Variants in SOSTDC1 observed in about 807,000 individuals in gnomAD.
The protein encoded by SOSTDC1 is sclerostin domain-containing protein 1.
In SOSTDC1, 7 loss-of-function variants were observed where a neutral mutation model predicts 15.1. That is an observed-to-expected ratio of 0.46 (90% CI 0.26 to 0.87). The LOEUF is 0.87. Ranked by LOEUF, SOSTDC1 falls within the 40% of genes least tolerant of loss-of-function variation. The probability of loss-of-function intolerance (pLI) is 0.15; values close to 1 mark genes in which losing one functional copy is unlikely to be tolerated. For synonymous variants in SOSTDC1, 94 were observed against 93.2 expected (o/e 1.01, Z -0.05); for missense variants, 242 against 259.2 (o/e 0.93, Z 0.46).
rs971913835 is a variant in SOSTDC1 at position 16,463,035 on chromosome 7, A to G, written c.206-72T>C. On this transcript the variant is annotated intron_variant, in intron 1 of 1. Transcript: ENST00000307068. ...AAGACCTTTTAAAAAGTGATCTGCA[A>G]TGACAAAAATAATAGGCAAATGATA... 2.0e-5 allele frequency: 28 copies of G among 1,427,424 alleles called. No individual in the cohort carries two copies. The Admixed American group carries it at 3.0e-4, about 15-fold the overall frequency. The allele number at this position is 1,427,424 out of a possible 1,614,324, so 88.4% of individuals were successfully genotyped here. A position where few individuals can be genotyped will look rare whatever the true frequency, so the allele number is the denominator to read the frequency against.
chr7:16,464,600 T>G (rs913154481), intron 1 of SOSTDC1, among the ~76,000 whole-genome samples: 1 of 152,150 alleles, frequency 6.6e-6, no homozygotes, highest in Admixed American at 6.5e-5. Flanking sequence ...CGTAGTTGAA[T>G]GGAGTGAAGA....
rs1448155742 is a variant in SOSTDC1 at position 16,462,187 on chromosome 7, G to A, written c.*361C>T. ...TGTTTTGAAGGAGTTTTGTTTAGGA[G>A]AGGGGATGGGCCAGTAGATGGAGGG... On this transcript the variant is annotated 3_prime_UTR_variant, in exon 2 of 2. Coordinates refer to ENST00000307068, the MANE Select transcript of SOSTDC1 (RefSeq NM_015464.3). 1.1e-5 allele frequency: 2 copies of A among 177,136 alleles called. No homozygotes were observed. The highest frequency in any genetic ancestry group is 2.4e-5 in the African/African-American group (1 of 42,272). The allele number at this position is 177,136 out of a possible 1,614,324, so 11.0% of individuals were successfully genotyped here. A position where few individuals can be genotyped will look rare whatever the true frequency, so the allele number is the denominator to read the frequency against.
chr7:16,462,647 C>G lies in SOSTDC1; in HGVS notation c.522G>C (p.Glu174Asp). The change falls in exon 2 of 2, where the codon GAG becomes GAC. Residue 174 changes from glutamate to aspartate, a missense_variant. Coordinates refer to ENST00000307068, the MANE Select transcript of SOSTDC1 (RefSeq NM_015464.3). ...KCKRYTRQHNESSHNFESMSP... is the reference protein window; with the variant it reads ...KCKRYTRQHNDSSHNFESMSP... ...ACATGCTCTCAAAGTTGTGACTGGA[C>G]TCGTTGTGCTGCCGGGTGTACCTCT... The G allele has an allele frequency of 6.2e-7, 1 of 1,614,146 alleles. No homozygotes were observed. The highest frequency in any genetic ancestry group is 8.5e-7 in the Non-Finnish European group (1 of 1,180,026).
intron 1 of SOSTDC1, chr7:16,464,400 A>G (rs926904563): frequency 3.9e-6 from 6 of 1,547,492 alleles, no homozygotes; most frequent in Non-Finnish European, 5.2e-6. Flanking sequence ...GTGTATATAC[A>G]GATTTGGCAT....
rs1250735770 is a variant in SOSTDC1, at chr7:16,462,621, G to A, written c.548C>T (p.Ser183Leu). The A allele has an allele frequency of 1.2e-6, 2 of 1,614,052 alleles. No homozygotes were observed. Among genetic ancestry groups the A allele is most frequent in the African/African-American group, 2.7e-5 (2 of 74,938 alleles). Residue 183 changes from serine to leucine, a missense_variant, in exon 2 of 2, where the codon TCA (serine) becomes TTA (leucine). By Grantham distance (145) the Ser-to-Leu change is moderately radical. Transcript: ENST00000307068. ...GTGATGCTGGACTGGCTTGGCAGGTGACATGCTCTCAAAGTTGTGACTGGA... is the reference window on the plus strand; with the variant it reads ...GTGATGCTGGACTGGCTTGGCAGGTAACATGCTCTCAAAGTTGTGACTGGA... ...NESSHNFESM[S>L]PAKPVQHHRE...
At position 16,462,899 on chromosome 7, in the gene SOSTDC1, G is replaced by A. The variant is rs771904504; in HGVS notation, c.270C>T (p.Thr90=). Reference sequence around the variant, plus strand: ...CCAGCTCCTTCAGAGGGCTGATGCTGGTGCACTGGCCATCAGAGATGTATT... The same window carrying A: ...CCAGCTCCTTCAGAGGGCTGATGCTAGTGCACTGGCCATCAGAGATGTATT... ...STKYISDGQC[T]SISPLKELVC... Residue 90 remains threonine, a synonymous_variant, in exon 2 of 2, where the codon ACC becomes ACT. Transcript: ENST00000307068. The A allele has an allele frequency of 9.9e-6, 16 of 1,612,986 alleles. No homozygotes were observed. In the South Asian group the frequency reaches 1.6e-4, roughly 17 times the overall value.
chr7:16,462,754 G>A lies in SOSTDC1; in HGVS notation c.415C>T (p.Arg139Cys), dbSNP rs370368434. The A allele has an allele frequency of 2.3e-5, 37 of 1,613,988 alleles. No homozygotes were observed. Among genetic ancestry groups the A allele is most frequent in the Middle Eastern group, 1.6e-4 (1 of 6,084 alleles). Residue 139 changes from arginine (R) to cysteine (C), a missense_variant, in exon 2 of 2, where the codon CGT becomes TGT. Arg to Cys is a radical substitution (Grantham distance 180). Transcript: ENST00000307068. ...QEWRCVNDKT[R>C]TQRIQLQCQD... The stretch of plus-strand genomic sequence containing the variant: ...CACTGCAGCTGGATTCTCTGGGTAC[G>A]GGTTTTGTCATTGACACACCGCCAC...
chr7:16,461,492 C>T lies in SOSTDC1; in HGVS notation c.*1056G>A, dbSNP rs530286490. On this transcript the variant is annotated 3_prime_UTR_variant, in exon 2 of 2. Transcript: ENST00000307068. ...AAAAAAAATAGCAATTACCCTTATA[C>T]ATTTATTCTACAATTTTTGCACCCT... 2.6e-5 allele frequency: 4 copies of T among 152,162 alleles called. No homozygotes were observed. Among genetic ancestry groups the T allele is most frequent in the Non-Finnish European group, 5.9e-5 (4 of 68,024 alleles). The allele number at this position is 152,162 out of a possible 1,614,324, so 9.4% of individuals were successfully genotyped here.
rs1367183731 is a variant in SOSTDC1, at chr7:16,464,253, G to A, written c.205+1211C>T. ...AAATCTAGAATTGTGGGATTAAAAT[G>A]TAAAGCGTAAATTGTTTGGTTGGAC... is the stretch of plus-strand genomic sequence containing the variant. On this transcript the variant is annotated intron_variant, in intron 1 of 1. Coordinates refer to ENST00000307068, the MANE Select transcript of SOSTDC1 (RefSeq NM_015464.3). The A allele has an allele frequency of 3.3e-6, 4 of 1,199,624 alleles. No individual in the cohort carries two copies. In the African/African-American group the frequency reaches 6.0e-5, roughly 18 times the overall value. 74.3% of individuals were successfully genotyped at this position (1,199,624 alleles called of 1,614,324 possible). A position where few individuals can be genotyped will look rare whatever the true frequency, so the allele number is the denominator to read the frequency against.
rs1214363318 is a variant in SOSTDC1 at position 16,462,079 on chromosome 7, A to C, written c.*469T>G. Reference sequence around the variant, plus strand: ...CAAAGGAAGATCACTCATGGCTGCTAAACTGTTCCCATGAAGAGTACCAAA... The same window carrying C: ...CAAAGGAAGATCACTCATGGCTGCTCAACTGTTCCCATGAAGAGTACCAAA... On this transcript the variant is annotated 3_prime_UTR_variant, in exon 2 of 2. Coordinates refer to ENST00000307068, the MANE Select transcript of SOSTDC1 (RefSeq NM_015464.3). The C allele has an allele frequency of 1.3e-5, 2 of 159,098 alleles. No homozygotes were observed. The highest frequency in any genetic ancestry group is 3.6e-4 in the East Asian group (2 of 5,560). 9.9% of individuals were successfully genotyped at this position (159,098 alleles called of 1,614,324 possible).
rs1781294097 is a variant in SOSTDC1 at position 16,465,721 on chromosome 7, C to T, written c.-53G>A. ...GAGCTGGTTAATTCTTTTGCTTCTGCTTCTGCACTGTAACTGTGAAATTCC... is the reference window on the plus strand; with the variant it reads ...GAGCTGGTTAATTCTTTTGCTTCTGTTTCTGCACTGTAACTGTGAAATTCC... On this transcript the variant is annotated 5_prime_UTR_variant, in exon 1 of 2. Coordinates refer to ENST00000307068, the MANE Select transcript of SOSTDC1 (RefSeq NM_015464.3). 6.7e-7 allele frequency: 1 copy of T among 1,489,046 alleles called. No individual in the cohort carries two copies. Among genetic ancestry groups the T allele is most frequent in the Non-Finnish European group, 9.3e-7 (1 of 1,072,456 alleles). The allele number at this position is 1,489,046 out of a possible 1,614,324, so 92.2% of individuals were successfully genotyped here.
Position 16,461,484 on chromosome 7 carries a change from C to G in SOSTDC1, c.*1064G>C, listed in dbSNP as rs1781210284. ...GACTTAGAAAAAAAAATAGCAATTA[C>G]CCTTATACATTTATTCTACAATTTT... is the stretch of plus-strand genomic sequence containing the variant. On this transcript the variant is annotated 3_prime_UTR_variant, in exon 2 of 2. Coordinates refer to ENST00000307068, the MANE Select transcript of SOSTDC1 (RefSeq NM_015464.3). The G allele has an allele frequency of 6.6e-6, 1 of 152,152 alleles. No homozygotes were observed. Among genetic ancestry groups the G allele is most frequent in the Admixed American group, 6.5e-5 (1 of 15,270 alleles). The allele number at this position is 152,152 out of a possible 1,614,324, so 9.4% of individuals were successfully genotyped here. A position where few individuals can be genotyped will look rare whatever the true frequency, so the allele number is the denominator to read the frequency against.
rs200731488 is a variant in SOSTDC1 at position 16,462,783 on chromosome 7, T to A, written c.386A>T (p.Gln129Leu). 92 of 1,614,198 alleles carry A rather than the reference T, an allele frequency of 5.7e-5. No individual in the cohort carries two copies. The East Asian group carries it at 2.0e-3, about 35-fold the overall frequency. Residue 129 changes from glutamine to leucine, a missense_variant, in exon 2 of 2, where the codon CAG becomes CTG. By Grantham distance (113) the Gln-to-Leu change is moderately radical. Transcript: ENST00000307068. ...GTKYWSRRSS[Q>L]EWRCVNDKTR... ...TTTGTCATTGACACACCGCCACTCC[T>A]GGGAGCTCCTCCTGCTCCAGTACTT...
At chr7:16,464,855 T>G (rs984585290) in intron 1 of SOSTDC1, among the ~76,000 whole-genome samples, 1 of 152,172 alleles carries the variant, frequency 6.6e-6, no homozygotes, top group Non-Finnish European at 1.5e-5. Context: ...TATCTAAATT[T>G]TGAATGGGAC....
rs751003943 is a variant in SOSTDC1, at chr7:16,462,680, G to C, written c.489C>G (p.Cys163Trp). ...GCTGCCGGGTGTACCTCTTGCACTT[G>C]CAGGCAGTGACTACTGTGATTTTGT... ...RTYKITVVTA[C>W]KCKRYTRQHN... Residue 163 changes from cysteine (C) to tryptophan (W), a missense_variant, in exon 2 of 2, where the codon TGC becomes TGG. Transcript: ENST00000307068. 6.2e-7 allele frequency: 1 copy of C among 1,614,216 alleles called. No homozygotes were observed. The highest frequency in any genetic ancestry group is 8.5e-7 in the Non-Finnish European group (1 of 1,180,046).
rs750480433 is a variant in SOSTDC1 at position 16,462,942 on chromosome 7, C to T, written c.227G>A (p.Arg76Gln). ...GATGTATTTGGTGGAACGCAGTTCC[C>T]GGCAACCCACTTGAACCCGAGCTGC... Reference protein sequence around the residue: ...DRNTRVQVGCRELRSTKYISD... With the variant: ...DRNTRVQVGCQELRSTKYISD... The change falls in exon 2 of 2, where the codon CGG (arginine) becomes CAG (glutamine). Residue 76 changes from arginine to glutamine, a missense_variant. Transcript: ENST00000307068. 2.6e-5 allele frequency: 41 copies of T among 1,572,264 alleles called. No homozygotes were observed. Among genetic ancestry groups the T allele is most frequent in the East Asian group, 4.5e-5 (2 of 44,052 alleles).
In SOSTDC1 at chr7:16,461,653, A is replaced by C. The variant is rs890444749; in HGVS notation, c.*895T>G. 3 of 152,596 alleles carry C rather than the reference A, an allele frequency of 2.0e-5. No individual in the cohort carries two copies. Among genetic ancestry groups the C allele is most frequent in the African/African-American group, 7.2e-5 (3 of 41,454 alleles). 9.5% of individuals were successfully genotyped at this position (152,596 alleles called of 1,614,324 possible). On this transcript the variant is annotated 3_prime_UTR_variant, in exon 2 of 2. Transcript: ENST00000307068. ...AAAGTATTACTTATTTCAACTTTAC[A>C]AAGCATCTTATTGATTTAAAAAGAT...
intron 1 of SOSTDC1, among the ~76,000 whole-genome samples, chr7:16,464,857 G>C (rs762484053): frequency 6.6e-5 from 10 of 152,102 alleles, no homozygotes; most frequent in Non-Finnish European, 1.5e-4. Context: ...TCTAAATTTT[G>C]AATGGGACAA....
intron 1 of SOSTDC1, 136 bp downstream of exon 1, chr7:16,465,328 T>TG (rs902665610): frequency 2.8e-6 from 2 of 723,610 alleles, no homozygotes; most frequent in Non-Finnish European, 4.5e-6. Context: ...AACCTGCACA[T>TG]GCAGCAGATT....
Sources: allele counts gnomAD v4.1 joint callset (sites outside exome capture counted in the v4.1 genomes callset), GRCh38; gene constraint gnomAD v4.1.1; transcripts MANE v1.5; gene names NCBI Gene and HGNC (gene_info 2026-07-23, HGNC 2026-07-21).